The following MYO18A variants were observed in gnomAD, a reference collection of about 807,000 sequenced individuals.
MYO18A encodes unconventional myosin-XVIIIa.
In MYO18A, 78 loss-of-function variants were observed where a neutral mutation model predicts 235.8. That is an observed-to-expected ratio of 0.33 (90% CI 0.28 to 0.40). The LOEUF (loss-of-function observed/expected upper bound fraction) is 0.40. Among genes scored for constraint, MYO18A ranks in the 10% least tolerant of loss-of-function variants. MYO18A has a pLI of 1.00. For synonymous variants in MYO18A, 977 were observed against 1,077.8 expected, an observed-to-expected ratio of 0.91 and a Z score of 1.83; for missense variants, 2,215 against 2,699.3, an observed-to-expected ratio of 0.82 and a Z score of 3.98.
At chr17:29,079,917 G>T (rs1386379469) in intron 41 of MYO18A, 1 of 985,828 alleles carries the variant, frequency 1.0e-6, no homozygotes, top group Non-Finnish European at 1.2e-6. Flanking sequence ...ACGACGAGGA[G>T]GACTCAGACT....
chr17:29,175,902 A>G (rs575488932), intron 1 of MYO18A, among the ~76,000 whole-genome samples: 1 of 152,226 alleles, frequency 6.6e-6, no homozygotes, highest in East Asian at 1.9e-4. Context: ...TACTAAAAAT[A>G]CAAAAAAGTA....
At chr17:29,076,727 G>C (rs560729210) in intron 41 of MYO18A, 36 of 152,310 alleles carry the variant, frequency 2.4e-4, no homozygotes, top group African/African-American at 8.4e-4. Context: ...GGGGTTGTTT[G>C]AATTCTAAAT....
At chr17:29,172,698 G>A (rs1411851298) in intron 1 of MYO18A, among the ~76,000 whole-genome samples, 1 of 152,116 alleles carries the variant, frequency 6.6e-6, no homozygotes, top group Non-Finnish European at 1.5e-5. Context: ...CAGTAGAGAG[G>A]ATAACAGAGT....
chr17:29,148,582 T>TTGTGTGTG lies in MYO18A; in HGVS notation c.999+17352_999+17359dup, dbSNP rs10535921. On this transcript the variant is annotated intron_variant, in intron 2 of 41. Coordinates refer to ENST00000527372, the MANE Select transcript of MYO18A (RefSeq NM_078471.4). ...TTGGGAGGAATTATCCTTTATTCTT[T>TTGTGTGTG]TGTGTGTGTGTGTGTGTGTGTGTGT... 5.7e-3 allele frequency among the ~76,000 whole-genome samples: 851 copies of TTGTGTGTG among 148,866 alleles called. 1 individual carries two copies. The highest frequency in any genetic ancestry group is 8.5e-3 in the African/African-American group (343 of 40,574).
At chr17:29,085,771 GGTTGAGACC>G in intron 39 of MYO18A, 123 bp from the exon 40 acceptor site, 2 of 965,998 alleles carry the variant, frequency 2.1e-6, no homozygotes, top group Non-Finnish European at 3.3e-6. Context: ...AGCTCTGGCT[GGTTGAGACC>G]AGGTAGTGGG....
Position 29,120,563 on chromosome 17 carries a change from T to C in MYO18A, c.1728+53A>G. 6.4e-7 allele frequency: 1 copy of C among 1,574,788 alleles called. No individual in the cohort carries two copies. The highest frequency in any genetic ancestry group is 8.6e-7 in the Non-Finnish European group (1 of 1,159,428). ...GGGAGAGAGCCTGATGTCTAGGTCA[T>C]GAAATCATGTGGCCTGTGTCCTACT... On this transcript the variant is annotated intron_variant, in intron 7 of 41. Coordinates refer to ENST00000527372, the MANE Select transcript of MYO18A (RefSeq NM_078471.4). The surrounding 1 kb of genome is among the most constrained non-coding windows in gnomAD (Gnocchi z 4.2).
At chr17:29,104,952 G>A in intron 20 of MYO18A, among the ~76,000 whole-genome samples, 1 of 151,996 alleles carries the variant, frequency 6.6e-6, no homozygotes, top group East Asian at 1.9e-4. Flanking sequence ...AGGCTGAGGT[G>A]GGTGGATCAT....
Position 29,080,081 on chromosome 17 carries a change from G to A in MYO18A, c.6020+2235C>T, listed in dbSNP as rs1380268941. On this transcript the variant is annotated intron_variant, in intron 41 of 41. Transcript: ENST00000527372. The stretch of plus-strand genomic sequence containing the variant: ...CTCCTTCGCCGGCTCCGGCTCTTCC[G>A]GCCGCTGCGGGACCGGGACACATCA... 1.0e-5 allele frequency: 10 copies of A among 985,840 alleles called. No individual in the cohort carries two copies. The Admixed American group carries it at 2.5e-4, about 24-fold the overall frequency. The allele number at this position is 985,840 out of a possible 1,614,324, so 61.1% of individuals were successfully genotyped here.
chr17:29,121,847 C>T lies in MYO18A; in HGVS notation c.1194+4G>A. On this transcript the variant is annotated splice_donor_region_variant and intron_variant, in intron 4 of 41. Coordinates refer to ENST00000527372, the MANE Select transcript of MYO18A (RefSeq NM_078471.4). This position sits in a 1 kb window ranked among gnomAD's most constrained non-coding sequence, Gnocchi z 4.2. Reference sequence around the variant, plus strand: ...CCCCCACACCCAGCCCCCTGCCCACCTACCTTCTCAACGTCATCCTCATCC... The same window carrying T: ...CCCCCACACCCAGCCCCCTGCCCACTTACCTTCTCAACGTCATCCTCATCC... 18 of 1,613,940 alleles carry T rather than the reference C, an allele frequency of 1.1e-5. No individual in the cohort carries two copies. Among genetic ancestry groups the T allele is most frequent in the Non-Finnish European group, 1.4e-5 (17 of 1,179,832 alleles).
At position 29,106,274 on chromosome 17, in the gene MYO18A, G is replaced by A. The variant is rs2066782710; in HGVS notation, c.3441+806C>T. Among the ~76,000 whole-genome samples the A allele has an allele frequency of 6.6e-6, 1 of 152,166 alleles. No homozygotes were observed. ...GGGACGGGCATCTATGTCCACATGA[G>A]GTTGCCCAGGCCACCAGCAGGCCAA... On this transcript the variant is annotated intron_variant, in intron 20 of 41. Transcript: ENST00000527372. The surrounding 1 kb of genome is among the most constrained non-coding windows in gnomAD (Gnocchi z 4.6).
chr17:29,131,490 C>CTAA, intron 2 of MYO18A: 1 of 945,188 alleles, frequency 1.1e-6, no homozygotes, highest in Non-Finnish European at 1.3e-6. Context: ...GCTGGGAGAC[C>CTAA]CAGCACTAAA....
At chr17:29,134,873 G>A (rs1235864578) in intron 2 of MYO18A, among the ~76,000 whole-genome samples, 2 of 152,088 alleles carry the variant, frequency 1.3e-5, no homozygotes, top group African/African-American at 2.4e-5. Flanking sequence ...CTGTGACCTA[G>A]GAGAGGAATT....
At position 29,158,073 on chromosome 17, in the gene MYO18A, C is replaced by A. The variant is rs562604055; in HGVS notation, c.999+7869G>T. 1.3e-5 allele frequency among the ~76,000 whole-genome samples: 2 copies of A among 152,152 alleles called. No homozygotes were observed. The highest frequency in any genetic ancestry group is 4.8e-5 in the African/African-American group (2 of 41,422). On this transcript the variant is annotated intron_variant, in intron 2 of 41. Coordinates refer to ENST00000527372, the MANE Select transcript of MYO18A (RefSeq NM_078471.4). The surrounding 1 kb of genome is among the most constrained non-coding windows in gnomAD (Gnocchi z 4.3). ...CCTCCCAAAGTGCTGGGATTATAGA[C>A]GTGAGCCACTGTGCCCTGCCTTGGC...
chr17:29,126,073 C>T lies in MYO18A; in HGVS notation c.1000-3820G>A, dbSNP rs902877045. 7 of 488,642 alleles carry T rather than the reference C, an allele frequency of 1.4e-5. No homozygotes were observed. Among genetic ancestry groups the T allele is most frequent in the African/African-American group, 1.0e-4 (5 of 47,946 alleles). The allele number at this position is 488,642 out of a possible 1,614,324, so 30.3% of individuals were successfully genotyped here. A position where few individuals can be genotyped will look rare whatever the true frequency, so the allele number is the denominator to read the frequency against. On this transcript the variant is annotated intron_variant, in intron 2 of 41. Transcript: ENST00000527372. The surrounding 1 kb of genome is among the most constrained non-coding windows in gnomAD (Gnocchi z 4.1). ...GGGACCCACTAGGGAAGGGGAGCAG[C>T]GCCAGGGAGCAAGCCGCGCGGCAAT...
At chr17:29,119,465 G>A in intron 7 of MYO18A, 30 bp from the exon 8 acceptor site, 2 of 1,561,070 alleles carry the variant, frequency 1.3e-6, no homozygotes, top group Admixed American at 1.8e-5. Context: ...TGTGGGTAAG[G>A]AGGGTAGTGC....
At chr17:29,171,313 T>C (rs2068398272) in intron 1 of MYO18A, among the ~76,000 whole-genome samples, 1 of 152,080 alleles carries the variant, frequency 6.6e-6, no homozygotes. Context: ...AGCACACACC[T>C]GTAGTCCCAG....
In MYO18A at chr17:29,166,597, C is replaced by T. The variant is rs1209808039; in HGVS notation, c.344G>A (p.Gly115Asp). ...DLKGEEGSFR[G>D]SVLQRAAKFG... ...CTTGGCTGCCCGCTGCAGCACCGAG[C>T]CACGGAAGCTACCCTCCTCACCCTT... is the stretch of plus-strand genomic sequence containing the variant. Residue 115 changes from glycine (G) to aspartate (D), a missense_variant, in exon 2 of 42, where the codon GGC (glycine) becomes GAC (aspartate). By Grantham distance (94) the Gly-to-Asp change is moderately conservative. Coordinates refer to ENST00000527372, the MANE Select transcript of MYO18A (RefSeq NM_078471.4). 1 of 1,613,898 alleles carries T rather than the reference C, an allele frequency of 6.2e-7. No homozygotes were observed. Among genetic ancestry groups the T allele is most frequent in the South Asian group, 1.1e-5 (1 of 91,074 alleles).
intron 2 of MYO18A, among the ~76,000 whole-genome samples, chr17:29,159,779 G>A (rs147443248): frequency 3.9e-4 from 59 of 152,280 alleles, no homozygotes; most frequent in African/African-American, 1.2e-3. Context: ...TTCTACCCAG[G>A]GGTCTAGGGC....
rs750950185 is a variant in MYO18A at position 29,082,340 on chromosome 17, T to G, written c.5996A>C (p.Asp1999Ala). Residue 1999 changes from aspartate (D) to alanine (A), a missense_variant, in exon 41 of 42, where the codon GAT becomes GCT. Coordinates refer to ENST00000527372, the MANE Select transcript of MYO18A (RefSeq NM_078471.4). The part of the protein sequence containing the change: ...KNKGPSKAAS[D>A]DGSLKSSSPT... Reference sequence around the variant, plus strand: ...CCTGGAACTCTTTAAGCTGCCATCATCAGAAGCTGCCTTGGAAGGTCCCTT... The same window carrying G: ...CCTGGAACTCTTTAAGCTGCCATCAGCAGAAGCTGCCTTGGAAGGTCCCTT... 6.2e-7 allele frequency: 1 copy of G among 1,613,944 alleles called. No individual in the cohort carries two copies. The highest frequency in any genetic ancestry group is 8.5e-7 in the Non-Finnish European group (1 of 1,179,856).
Sources: allele counts gnomAD v4.1 joint callset (sites outside exome capture counted in the v4.1 genomes callset), GRCh38; gene constraint gnomAD v4.1.1; non-coding constraint Gnocchi (gnomAD v3.1); transcripts MANE v1.5; gene names NCBI Gene and HGNC (gene_info 2026-07-23, HGNC 2026-07-21).